The following MGMT variants were observed in gnomAD, a reference collection of about 807,000 sequenced individuals.
MGMT encodes methylated-DNA--protein-cysteine methyltransferase.
In MGMT, 14 loss-of-function variants were observed where a neutral mutation model predicts 15.9. That is an observed-to-expected ratio of 0.88 (90% CI 0.58 to 1.37). The LOEUF (loss-of-function observed/expected upper bound fraction) is 1.37. MGMT is among the 40% of genes most tolerant of loss of function. The probability of loss-of-function intolerance (pLI) is 0.00; values close to 1 mark genes in which losing one functional copy is unlikely to be tolerated. For synonymous variants in MGMT, 130 were observed against 118.2 expected (o/e 1.10, Z -0.65); for missense variants, 282 against 268.1 (o/e 1.05, Z -0.36).
chr10:129,536,989 C>A (rs1325046674), intron 2 of MGMT: 1 of 152,150 alleles, frequency 6.6e-6, no homozygotes, highest in African/African-American at 2.4e-5. Context: ...TAAGAGCGTA[C>A]ATGTTTCTCT....
intron 1 of MGMT, among the ~76,000 whole-genome samples, chr10:129,521,552 A>G (rs1260681328): frequency 6.6e-6 from 1 of 152,194 alleles, no homozygotes; most frequent in Non-Finnish European, 1.5e-5. Flanking sequence ...TTCAAACTGT[A>G]TCCAAGAGCA....
At chr10:129,666,539 C>T (rs573221188) in intron 2 of MGMT, among the ~76,000 whole-genome samples, 2 of 152,060 alleles carry the variant, frequency 1.3e-5, no homozygotes, top group Non-Finnish European at 2.9e-5. Flanking sequence ...TAAATGAGCT[C>T]TTTTCACCTC....
rs1589985965 is a variant in MGMT at position 129,770,390 on chromosome 10, A to G, written c.*3393A>G. Among the ~76,000 whole-genome samples, 6 of 152,342 alleles carry G rather than the reference A, an allele frequency of 3.9e-5. No homozygotes were observed. The East Asian group carries it at 9.7e-4, about 25-fold the overall frequency. On this transcript the variant is annotated 3_prime_UTR_variant, in exon 5 of 5. Coordinates refer to ENST00000651593, the MANE Select transcript of MGMT (RefSeq NM_002412.5). ...TGAGATTCTCGCAGCAATGTGAGGC[A>G]TCCTCCTCACAGAAATGCATTTACG...
intron 3 of MGMT, among the ~76,000 whole-genome samples, chr10:129,718,732 A>G (rs1209627835): frequency 2.7e-5 from 4 of 150,698 alleles, no homozygotes; most frequent in Admixed American, 6.6e-5. Context: ...GCCAGTCTGC[A>G]TGCCTGCTAA....
chr10:129,584,632 A>G (rs1328864538), intron 2 of MGMT, among the ~76,000 whole-genome samples: 1 of 152,076 alleles, frequency 6.6e-6, no homozygotes, highest in African/African-American at 2.4e-5. Flanking sequence ...CAGACCTACC[A>G]GCAGTCATTT....
intron 2 of MGMT, among the ~76,000 whole-genome samples, chr10:129,559,326 G>C (rs1020108826): frequency 6.6e-6 from 1 of 151,968 alleles, no homozygotes; most frequent in Admixed American, 6.6e-5. Context: ...TTCTTACTTT[G>C]CCCTGCGATC....
intron 2 of MGMT, among the ~76,000 whole-genome samples, chr10:129,545,848 G>C (rs1298424787): frequency 1.3e-5 from 2 of 152,134 alleles, no homozygotes; most frequent in Admixed American, 6.5e-5. Flanking sequence ...CAATATACTT[G>C]GTTTGTTAAA....
intron 3 of MGMT, among the ~76,000 whole-genome samples, chr10:129,724,016 T>C (rs143640253): frequency 1.5e-3 from 236 of 152,340 alleles, no homozygotes; most frequent in African/African-American, 5.4e-3. Context: ...AATTCCACTC[T>C]AGGGCATTTA....
intron 2 of MGMT, among the ~76,000 whole-genome samples, chr10:129,660,278 G>C (rs1202915315): frequency 6.6e-6 from 1 of 152,050 alleles, no homozygotes; most frequent in Non-Finnish European, 1.5e-5. Context: ...TTGATAGCAT[G>C]GGGTGGTATC....
chr10:129,637,563 C>T (rs1847276503), intron 2 of MGMT, among the ~76,000 whole-genome samples: 1 of 152,182 alleles, frequency 6.6e-6, no homozygotes, highest in Admixed American at 6.5e-5. Context: ...CTGTCACTCT[C>T]AGATTTGTGC....
intron 1 of MGMT, among the ~76,000 whole-genome samples, chr10:129,476,252 T>C (rs1845292770): frequency 6.6e-6 from 1 of 152,194 alleles, no homozygotes; most frequent in African/African-American, 2.4e-5. Context: ...TAGCTGGACA[T>C]GGCCCCCGCT....
chr10:129,473,484 C>T (rs758394279), intron 1 of MGMT, among the ~76,000 whole-genome samples: 2 of 152,134 alleles, frequency 1.3e-5, no homozygotes, highest in Non-Finnish European at 2.9e-5. Context: ...ACCCGGGCCT[C>T]GGAGAGTTTG....
At chr10:129,522,560 T>C (rs1244999309) in intron 1 of MGMT, among the ~76,000 whole-genome samples, 1 of 152,240 alleles carries the variant, frequency 6.6e-6, no homozygotes, top group East Asian at 1.9e-4. Context: ...CAGTGTTGAC[T>C]GATTATATCA....
intron 2 of MGMT, among the ~76,000 whole-genome samples, chr10:129,705,952 G>T (rs1848155524): frequency 6.6e-6 from 1 of 152,212 alleles, no homozygotes; most frequent in African/African-American, 2.4e-5. Context: ...CAGAGCTGGG[G>T]TTGGAGCTGA....
chr10:129,634,488 A>C (rs940902962), intron 2 of MGMT, among the ~76,000 whole-genome samples: 2 of 152,190 alleles, frequency 1.3e-5, no homozygotes, highest in Non-Finnish European at 2.9e-5. Context: ...AAGTTTTTCA[A>C]AACCTCACTG....
At position 129,692,926 on chromosome 10, in the gene MGMT, C is replaced by T. The variant is rs369397041; in HGVS notation, c.126-14969C>T. ...CCGTCGTTCCCAGTGTGGGCAGTGA[C>T]GCAGCACCACGGTAAGTTCTGTAGA... On this transcript the variant is annotated intron_variant, in intron 2 of 4. Transcript: ENST00000651593. Among the ~76,000 whole-genome samples, 75 of 152,354 alleles carry T rather than the reference C, an allele frequency of 4.9e-4. 1 individual carries two copies. Among genetic ancestry groups the T allele is most frequent in the African/African-American group, 1.3e-3 (55 of 41,592 alleles).
intron 2 of MGMT, among the ~76,000 whole-genome samples, chr10:129,617,340 T>A (rs769756766): frequency 6.6e-6 from 1 of 152,238 alleles, no homozygotes. Context: ...TTGATGGGCC[T>A]TTAGGTTTAG....
chr10:129,734,515 A>T (rs1409391079), intron 3 of MGMT, among the ~76,000 whole-genome samples: 1 of 151,884 alleles, frequency 6.6e-6, no homozygotes, highest in East Asian at 1.9e-4. Flanking sequence ...AACAGGGACA[A>T]TTTTACTTCC....
chr10:129,692,541 A>G (rs1296947218), intron 2 of MGMT, among the ~76,000 whole-genome samples: 3 of 152,160 alleles, frequency 2.0e-5, no homozygotes, highest in South Asian at 2.1e-4. Context: ...AGGCATGTTG[A>G]CTATGGACAC....
Sources: allele counts gnomAD v4.1 joint callset (sites outside exome capture counted in the v4.1 genomes callset), GRCh38; gene constraint gnomAD v4.1.1; transcripts MANE v1.5; gene names NCBI Gene and HGNC (gene_info 2026-07-23, HGNC 2026-07-21).